ECPAS: variants seen among roughly 807,000 people sequenced by gnomAD.
ECPAS encodes Ecm29 proteasome adaptor and scaffold.
A neutral mutation model predicts 255.1 loss-of-function variants in ECPAS; 70 were observed. The ratio of observed to expected loss-of-function variants is 0.27; its 90% CI spans 0.23 to 0.33. The LOEUF is 0.33. ECPAS is among the 10% of genes least tolerant of loss of function. The probability of loss-of-function intolerance (pLI) is 1.00; values close to 1 mark genes in which losing one functional copy is unlikely to be tolerated. For synonymous variants in ECPAS, 784 were observed against 775.0 expected, an observed-to-expected ratio of 1.01 and a Z score of -0.19; for missense variants, 1,817 against 2,206.4, an observed-to-expected ratio of 0.82 and a Z score of 3.54.
intron 15 of ECPAS, among the ~76,000 whole-genome samples, chr9:111,420,347 T>C (rs976213648): frequency 6.6e-6 from 1 of 152,192 alleles, no homozygotes; most frequent in African/African-American, 2.4e-5. Context: ...TTAAAGAGTA[T>C]TCTTATAATT....
intron 2 of ECPAS, among the ~76,000 whole-genome samples, chr9:111,458,856 C>T (rs2098269985): frequency 6.6e-6 from 1 of 152,202 alleles, no homozygotes; most frequent in African/African-American, 2.4e-5. Context: ...TCAGGCCTTG[C>T]CCTACATGTC....
intron 15 of ECPAS, among the ~76,000 whole-genome samples, chr9:111,421,404 C>CAT (rs1279400267): frequency 7.8e-5 from 10 of 128,670 alleles, no homozygotes; most frequent in South Asian, 2.5e-4. Context: ...TTACATATTA[C>CAT]ATATATGTGT....
At chr9:111,451,186 T>C (rs1180475775) in intron 3 of ECPAS, among the ~76,000 whole-genome samples, 2 of 152,194 alleles carry the variant, frequency 1.3e-5, no homozygotes, top group African/African-American at 2.4e-5. Context: ...AGGATAATTA[T>C]CTCAATTATA....
chr9:111,388,014 T>C (rs2098152984), intron 31 of ECPAS, among the ~76,000 whole-genome samples: 1 of 152,242 alleles, frequency 6.6e-6, no homozygotes, highest in Non-Finnish European at 1.5e-5. Flanking sequence ...GTTTTACTTT[T>C]TAAGCCTCTG....
At chr9:111,404,249 G>A (rs1368676743) in intron 24 of ECPAS, among the ~76,000 whole-genome samples, 2 of 148,818 alleles carry the variant, frequency 1.3e-5, no homozygotes, top group African/African-American at 5.1e-5. Context: ...ATAAAGGAAA[G>A]AAATAATAAA....
At chr9:111,415,914 G>T (rs1284913259) in intron 18 of ECPAS, among the ~76,000 whole-genome samples, 2 of 152,080 alleles carry the variant, frequency 1.3e-5, no homozygotes, top group Non-Finnish European at 2.9e-5. Context: ...TAATAAGTGT[G>T]ATCAATTTAA....
intron 25 of ECPAS, among the ~76,000 whole-genome samples, chr9:111,395,794 G>A (rs896922888): frequency 2.0e-5 from 3 of 152,090 alleles, no homozygotes; most frequent in Non-Finnish European, 4.4e-5. Context: ...CCCACTTCAG[G>A]TTTGGTTGTC....
At chr9:111,390,301 C>A (rs2098157538) in intron 29 of ECPAS, among the ~76,000 whole-genome samples, 200 bp from the exon 30 acceptor site, 1 of 152,152 alleles carries the variant, frequency 6.6e-6, no homozygotes, top group African/African-American at 2.4e-5. Context: ...AATTCCTAAG[C>A]CCCTCTACAT....
In ECPAS at chr9:111,390,050, G is replaced by A. The variant is rs1457847595; in HGVS notation, c.3213C>T (p.Ser1071=). ...KELCSLASDL[S]QPDLVYKFMN... is the part of the protein sequence containing the mutation. ...TAAATTTATACACCAGATCTGGCTG[G>A]CTAAGATCACTTGCCAGAGAACAAA... The change falls in exon 30 of 50, where the codon AGC becomes AGT. Residue 1071 remains serine (S), a synonymous_variant. Transcript: ENST00000684092. 1 of 1,600,792 alleles carries A rather than the reference G, an allele frequency of 6.2e-7. No individual in the cohort carries two copies. Among genetic ancestry groups the A allele is most frequent in the Non-Finnish European group, 8.5e-7 (1 of 1,170,468 alleles).
At chr9:111,376,724 C>G (rs773043520) in intron 36 of ECPAS, among the ~76,000 whole-genome samples, 183 bp from the exon 37 acceptor site, 3 of 152,108 alleles carry the variant, frequency 2.0e-5, no homozygotes, top group Non-Finnish European at 4.4e-5. Context: ...AACAATTTAC[C>G]AGGGGAACCA....
chr9:111,413,468 T>C (rs1270737016), intron 20 of ECPAS, among the ~76,000 whole-genome samples: 1 of 152,120 alleles, frequency 6.6e-6, no homozygotes, highest in African/African-American at 2.4e-5. Context: ...TGTACATAAG[T>C]AAACTCTAGA....
intron 48 of ECPAS, among the ~76,000 whole-genome samples, chr9:111,365,288 T>TATCATCATCATCATC (rs143492409): frequency 2.9e-4 from 43 of 147,648 alleles, no homozygotes; most frequent in Middle Eastern, 3.5e-3. Flanking sequence ...TAATAACCAT[T>TATCATCATCATCATC]ATCATCATCA....
At chr9:111,467,745 C>T (rs1047839223) in intron 2 of ECPAS, among the ~76,000 whole-genome samples, 6 of 152,154 alleles carry the variant, frequency 3.9e-5, no homozygotes, top group Non-Finnish European at 5.9e-5. Flanking sequence ...ATGGTATTTA[C>T]TTTCTTCTGA....
chr9:111,397,269 G>T, intron 24 of ECPAS, 116 bp from the exon 25 acceptor site: 1 of 1,304,174 alleles, frequency 7.7e-7, no homozygotes, highest in Non-Finnish European at 1.1e-6. Context: ...TTCACTCTTT[G>T]CCCTAGTTTG....
At position 111,468,652 on chromosome 9, in the gene ECPAS, A is replaced by C. The variant is rs73656254; in HGVS notation, c.22+4245T>G. ...GTGAGAGAGAGAGAGAGAGAGAGAG[A>C]GCGAGCGTGTGTGTGTGTTTCATGT... On this transcript the variant is annotated intron_variant, in intron 2 of 49. Coordinates refer to ENST00000684092, the MANE Select transcript of ECPAS (RefSeq NM_001364929.1). 6.9e-3 allele frequency among the ~76,000 whole-genome samples: 998 copies of C among 145,328 alleles called. 9 individuals carry two copies. The highest frequency in any genetic ancestry group is 0.024 in the African/African-American group (957 of 40,512).
intron 4 of ECPAS, among the ~76,000 whole-genome samples, chr9:111,443,881 A>C (rs558318594): frequency 6.6e-6 from 1 of 152,218 alleles, no homozygotes; most frequent in Non-Finnish European, 1.5e-5. Context: ...CTTTAAAAGG[A>C]ATGTTTCTTA....
intron 2 of ECPAS, among the ~76,000 whole-genome samples, chr9:111,472,043 A>C (rs1022527443): frequency 2.6e-5 from 4 of 152,010 alleles, no homozygotes; most frequent in African/African-American, 9.7e-5. Context: ...TCAAGGCTGC[A>C]GTGAGCCATG....
chr9:111,467,734 A>G (rs576684214), intron 2 of ECPAS, among the ~76,000 whole-genome samples: 63 of 152,324 alleles, frequency 4.1e-4, no homozygotes, highest in African/African-American at 1.3e-3. Flanking sequence ...TATTCTCTCT[A>G]ATGGTATTTA....
chr9:111,443,768 G>A (rs548125270), intron 4 of ECPAS, among the ~76,000 whole-genome samples: 6 of 152,104 alleles, frequency 3.9e-5, no homozygotes, highest in South Asian at 4.1e-4. Flanking sequence ...AGATTCAATC[G>A]ATTCTGCCTC....
Sources: gnomAD v4.1 joint callset for allele counts (sites outside exome capture counted in the v4.1 genomes callset) on GRCh38, gnomAD v4.1.1 for gene constraint, MANE v1.5 for transcripts, NCBI Gene and HGNC (gene_info 2026-07-23, HGNC 2026-07-21) for gene names.